The following ZNF420 variants were observed in gnomAD, a reference collection of about 807,000 sequenced individuals.
ZNF420 encodes the protein zinc finger protein 420, also known as ATM and p53-associated KZNF protein.
Under a neutral mutation model 44.7 loss-of-function variants are expected in ZNF420, and 31 were observed. That is an observed-to-expected ratio of 0.69 (90% CI 0.52 to 0.94). ZNF420 has a LOEUF of 0.94. Among genes scored for constraint, ZNF420 ranks in the 40% least tolerant of loss-of-function variants. The probability of loss-of-function intolerance (pLI) is 0.00; values close to 1 mark genes in which losing one functional copy is unlikely to be tolerated. For missense variants in ZNF420, 681 were observed against 827.9 expected (o/e 0.82, Z 2.18); for synonymous variants, 245 against 267.4 (o/e 0.92, Z 0.82).
At chr19:37,051,987 G>T (rs1228999096) in intron 1 of ZNF420, among the ~76,000 whole-genome samples, 29 of 152,162 alleles carry the variant, frequency 1.9e-4, no homozygotes, top group Admixed American at 1.9e-3. Context: ...TTATTATTGT[G>T]TGGGAGTCTA....
Position 37,091,102 on chromosome 19 carries a change from T to C in ZNF420, c.117T>C (p.Tyr39=). The C allele has an allele frequency of 1.9e-6, 3 of 1,594,264 alleles. No homozygotes were observed. Among genetic ancestry groups the C allele is most frequent in the Non-Finnish European group, 2.6e-6 (3 of 1,171,766 alleles). The change falls in exon 4 of 5, where the codon TAT becomes TAC. Residue 39 remains tyrosine (Y), a synonymous_variant. Transcript: ENST00000337995. ...DLYRDVMLEN[Y]SNLVSLDLPS... ...ATAGAGATGTGATGTTGGAGAACTA[T>C]AGCAACTTGGTATCACTAGGTAAGG... is the stretch of plus-strand genomic sequence containing the variant.
chr19:37,040,336 G>A (rs1967431604), intron 1 of ZNF420, among the ~76,000 whole-genome samples: 3 of 152,176 alleles, frequency 2.0e-5, no homozygotes, highest in Admixed American at 2.0e-4. Context: ...TTCATAAAAT[G>A]GAAGATAATT....
In ZNF420 at chr19:37,071,014, T is replaced by A. The variant is rs144998499; in HGVS notation, c.-124-9331T>A. On this transcript the variant is annotated intron_variant, in intron 1 of 4. Coordinates refer to the ZNF420 transcript ENST00000587029. The stretch of plus-strand genomic sequence containing the variant: ...TGATACAATGGCAGAGTTGAGTAGT[T>A]GTGACAGAAACTGTATGGCCCGCAA... 5.7e-3 allele frequency among the ~76,000 whole-genome samples: 866 copies of A among 152,300 alleles called. 10 individuals are homozygous for A. The highest frequency in any genetic ancestry group is 0.02 in the African/African-American group (834 of 41,564).
chr19:37,082,717 C>T (rs1354709724), intron 2 of ZNF420, among the ~76,000 whole-genome samples: 2 of 152,108 alleles, frequency 1.3e-5, no homozygotes, highest in East Asian at 3.8e-4. Flanking sequence ...CAGGATATAG[C>T]CCACTAGGGA....
At chr19:37,114,644 G>A (rs532567293) in intron 4 of ZNF420, among the ~76,000 whole-genome samples, 2 of 152,234 alleles carry the variant, frequency 1.3e-5, no homozygotes, top group Non-Finnish European at 2.9e-5. Context: ...TGCATTGACC[G>A]AACCATTACC....
intron 4 of ZNF420, among the ~76,000 whole-genome samples, chr19:37,111,356 C>T (rs1415411765): frequency 6.6e-6 from 1 of 152,218 alleles, no homozygotes; most frequent in Non-Finnish European, 1.5e-5. Flanking sequence ...AGTAGGAATA[C>T]CTAGAGTTGG....
intron 4 of ZNF420, among the ~76,000 whole-genome samples, chr19:37,111,935 A>G (rs934630214): frequency 1.3e-5 from 2 of 152,092 alleles, no homozygotes; most frequent in Non-Finnish European, 2.9e-5. Context: ...CCCTTAAGTC[A>G]GTTAACATTC....
chr19:37,031,581 C>T (rs1346001424), intron 1 of ZNF420, among the ~76,000 whole-genome samples: 3 of 152,096 alleles, frequency 2.0e-5, no homozygotes, highest in African/African-American at 2.4e-5. Flanking sequence ...TCTCGGCTCA[C>T]GGCAACCTCC....
At chr19:37,099,079 C>T (rs920438728) in intron 4 of ZNF420, among the ~76,000 whole-genome samples, 1 of 152,050 alleles carries the variant, frequency 6.6e-6, no homozygotes, top group Non-Finnish European at 1.5e-5. Context: ...ATCCATTTAT[C>T]TTTTGATGGA....
chr19:37,106,852 T>C (rs1437282678), intron 4 of ZNF420: 2 of 151,740 alleles, frequency 1.3e-5, no homozygotes, highest in African/African-American at 4.8e-5. Context: ...GACAATAGGG[T>C]AATAGTGGGG....
In ZNF420 at chr19:37,127,838, G is replaced by GA; in HGVS notation, c.849dup (p.Cys284MetfsTer2). The GA allele has an allele frequency of 6.2e-7, 1 of 1,613,880 alleles. No homozygotes were observed. Among genetic ancestry groups the GA allele is most frequent in the Non-Finnish European group, 8.5e-7 (1 of 1,179,938 alleles). ...TGGTGAAAAGCTCTATGAATGTAAA[G>GA]AATGTAGGAAGGTCTTTACTCAGCT... On this transcript the variant is annotated frameshift_variant, in exon 5 of 5. Transcript: ENST00000337995. LOFTEE classifies it high-confidence loss of function.
intron 1 of ZNF420, among the ~76,000 whole-genome samples, chr19:37,020,920 C>T (rs1405912950): frequency 6.6e-6 from 1 of 152,148 alleles, no homozygotes; most frequent in East Asian, 1.9e-4. Context: ...TATAGAGTTT[C>T]AGTTTTGCAA....
upstream of ZNF420, among the ~76,000 whole-genome samples, chr19:37,077,488 A>G (rs1317655950): frequency 6.6e-6 from 1 of 152,252 alleles, no homozygotes; most frequent in African/African-American, 2.4e-5. Flanking sequence ...AAAAACAAAG[A>G]AAAAACTACG....
At chr19:37,086,364 A>G (rs148092905) in intron 2 of ZNF420, among the ~76,000 whole-genome samples, 3 of 152,118 alleles carry the variant, frequency 2.0e-5, no homozygotes, top group Admixed American at 1.3e-4. Flanking sequence ...AAATTAAGTG[A>G]CTACTAAGTG....
chr19:37,127,007 A>T (rs1015690696), intron 4 of ZNF420, 121 bp from the exon 5 acceptor site: 21 of 787,594 alleles, frequency 2.7e-5, no homozygotes, highest in Non-Finnish European at 3.7e-5. Context: ...ATGTCATAAT[A>T]ATCAATATTT....
chr19:37,101,171 C>T (rs1436111512), intron 4 of ZNF420, among the ~76,000 whole-genome samples: 8 of 152,052 alleles, frequency 5.3e-5, no homozygotes, highest in African/African-American at 1.7e-4. Flanking sequence ...TTTATGGACA[C>T]GTGATGTCTG....
intron 4 of ZNF420, chr19:37,107,400 A>G (rs1970153350): frequency 6.6e-6 from 1 of 152,294 alleles, no homozygotes; most frequent in South Asian, 2.1e-4. Flanking sequence ...TTAACAAAGT[A>G]CATCCTGCAT....
chr19:37,127,028 C>T (rs1435871009), intron 4 of ZNF420, 100 bp from the exon 5 acceptor site: 13 of 1,009,810 alleles, frequency 1.3e-5, no homozygotes, highest in African/African-American at 1.7e-5. Flanking sequence ...GAAACAAACT[C>T]ATGTATGTCT....
chr19:37,128,692 C>T lies in ZNF420; in HGVS notation c.1701C>T (p.Ala567=). ...KPYQCKECGK[A]FIRGSQLTQH... is the part of the protein sequence containing the mutation. ...ATCAATGTAAGGAATGTGGGAAAGC[C>T]TTTATTCGTGGTTCACAGTTGACTC... The change falls in exon 5 of 5, where the codon GCC becomes GCT. Residue 567 remains alanine (A), a synonymous_variant. Coordinates refer to ENST00000337995, the MANE Select transcript of ZNF420 (RefSeq NM_144689.5). 6.2e-7 allele frequency: 1 copy of T among 1,614,010 alleles called. No homozygotes were observed. Among genetic ancestry groups the T allele is most frequent in the Non-Finnish European group, 8.5e-7 (1 of 1,179,988 alleles).
Sources: gnomAD v4.1 joint callset for allele counts (sites outside exome capture counted in the v4.1 genomes callset) on GRCh38, gnomAD v4.1.1 for gene constraint, MANE v1.5 for transcripts, NCBI Gene and HGNC (gene_info 2026-07-23, HGNC 2026-07-21) for gene names.